The following PRR5L variants were observed in gnomAD, a reference collection of about 807,000 sequenced individuals.
PRR5L encodes proline-rich protein 5-like.
PRR5L carries 21 observed loss-of-function variants against 36.4 expected under a neutral mutation model. The observed-to-expected ratio is 0.58, with a 90% CI of 0.41 to 0.83. PRR5L has a LOEUF of 0.83. Among genes scored for constraint, PRR5L ranks in the 40% least tolerant of loss-of-function variants. PRR5L has a pLI of 0.00. For synonymous variants in PRR5L, 188 were observed against 197.0 expected (o/e 0.95, Z 0.38); for missense variants, 381 against 473.3 (o/e 0.80, Z 1.81).
intron 1 of PRR5L, among the ~76,000 whole-genome samples, chr11:36,358,537 C>T (rs936591303): frequency 6.6e-5 from 10 of 152,156 alleles, no homozygotes; most frequent in African/African-American, 9.7e-5. Context: ...TAATAGACTA[C>T]GGTATAGTAT....
intron 4 of PRR5L, among the ~76,000 whole-genome samples, chr11:36,429,658 G>A (rs1015749517): frequency 1.3e-5 from 2 of 152,218 alleles, no homozygotes; most frequent in Non-Finnish European, 2.9e-5. Context: ...TGGAACATCA[G>A]TGTTGACACT....
chr11:36,364,816 T>G (rs867249433), intron 1 of PRR5L, among the ~76,000 whole-genome samples: 5 of 152,198 alleles, frequency 3.3e-5, no homozygotes, highest in South Asian at 2.1e-4. Flanking sequence ...CTGACTTTCC[T>G]GCTTGTTAAA....
chr11:36,461,814 G>A (rs892111060), intron 8 of PRR5L, among the ~76,000 whole-genome samples: 4 of 152,120 alleles, frequency 2.6e-5, no homozygotes, highest in African/African-American at 7.2e-5. Context: ...ATTGATAGTC[G>A]TGGTTCTGTA....
In PRR5L at chr11:36,350,930, T is replaced by TTA. The variant is rs1164751234; in HGVS notation, c.-125-50061_-125-50060dup. On this transcript the variant is annotated intron_variant, in intron 1 of 8. Coordinates refer to ENST00000530639, the MANE Select transcript of PRR5L (RefSeq NM_001160167.2). ...AATATATATATATATTTATATATAT[T>TTA]TATATATTTATATATATATATTTAT... 1.4e-3 allele frequency among the ~76,000 whole-genome samples: 47 copies of TTA among 34,072 alleles called. 1 individual carries two copies. The highest frequency in any genetic ancestry group is 3.1e-3 in the African/African-American group (22 of 7,072). 22.4% of individuals were successfully genotyped at this position (34,072 alleles called of 152,430 possible). A position where few individuals can be genotyped will look rare whatever the true frequency, so the allele number is the denominator to read the frequency against.
intron 1 of PRR5L, chr11:36,376,432 C>G (rs111430211): frequency 0.032 from 36,102 of 1,134,124 alleles, 648 homozygotes; most frequent in Non-Finnish European, 0.034. Context: ...GTGGGAGCTC[C>G]GCGGCCGAAG....
At chr11:36,436,120 T>C (rs1279919642) in intron 5 of PRR5L, among the ~76,000 whole-genome samples, 1 of 152,254 alleles carries the variant, frequency 6.6e-6, no homozygotes, top group Non-Finnish European at 1.5e-5. Context: ...CTACTAGTCA[T>C]GCCCTTGTTC....
In PRR5L at chr11:36,462,663, AC is replaced by A. The variant is rs759546027; in HGVS notation, c.1037del (p.Pro346LeufsTer17). The A allele has an allele frequency of 1.2e-6, 2 of 1,609,360 alleles. No individual in the cohort carries two copies. The highest frequency in any genetic ancestry group is 8.5e-7 in the Non-Finnish European group (1 of 1,178,590). On this transcript the variant is annotated frameshift_variant, in exon 9 of 9. Coordinates refer to ENST00000530639, the MANE Select transcript of PRR5L (RefSeq NM_001160167.2). LOFTEE classifies it high-confidence loss of function. Reference protein sequence around the residue: ...QCSSEPNITDNPDGLEEGARG... With the variant: ...QCSSEPNITDXPDGLEEGARG... ...TCCAGTGAGCCCAACATCACTGACA[AC>A]CCTGACGGACTGGAGGAGGGGGCCA...
chr11:36,315,912 T>C (rs1249188261), intron 1 of PRR5L, among the ~76,000 whole-genome samples: 2 of 152,188 alleles, frequency 1.3e-5, no homozygotes, highest in Non-Finnish European at 2.9e-5. Flanking sequence ...GGTGGGCCTG[T>C]TAGGAGCAGA....
chr11:36,383,070 C>A (rs1187640787), intron 1 of PRR5L, among the ~76,000 whole-genome samples: 1 of 152,162 alleles, frequency 6.6e-6, no homozygotes, highest in Non-Finnish European at 1.5e-5. Context: ...AGGCAAGTTG[C>A]TTAAATGCTC....
intron 1 of PRR5L, among the ~76,000 whole-genome samples, chr11:36,392,430 A>G (rs1381946324): frequency 1.3e-5 from 2 of 152,078 alleles, no homozygotes; most frequent in African/African-American, 4.8e-5. Context: ...TTACATTCCC[A>G]CCAACAGTAT....
intron 6 of PRR5L, among the ~76,000 whole-genome samples, chr11:36,440,449 TCCCAAAGG>T (rs1858696664): frequency 6.6e-6 from 1 of 152,112 alleles, no homozygotes; most frequent in African/African-American, 2.4e-5. Context: ...GGCTTAGAAG[TCCCAAAGG>T]CAAAATCCAT....
intron 1 of PRR5L, among the ~76,000 whole-genome samples, chr11:36,396,990 A>G (rs7116884): frequency 0.14 from 20,930 of 151,984 alleles, 1,969 homozygotes; most frequent in African/African-American, 0.27. Flanking sequence ...ATGAGGCACC[A>G]GTCAATGATC....
chr11:36,455,787 C>T (rs1052660703), intron 8 of PRR5L, among the ~76,000 whole-genome samples: 1 of 152,182 alleles, frequency 6.6e-6, no homozygotes, highest in Non-Finnish European at 1.5e-5. Flanking sequence ...CCAAGGGGCC[C>T]AGCAGGCCTG....
At position 36,305,869 on chromosome 11, in the gene PRR5L, T is replaced by C. The variant is rs145890353; in HGVS notation, c.-126+9431T>C. Among the ~76,000 whole-genome samples, 1,196 of 152,332 alleles carry C rather than the reference T, an allele frequency of 7.9e-3. 18 individuals carry two copies. Among genetic ancestry groups the C allele is most frequent in the African/African-American group, 0.027 (1,102 of 41,566 alleles). ...AGTTTATGGCGTTTTGTTATAGCAG[T>C]TTAAATGGACTGAGTTAGTATATGA... is the stretch of plus-strand genomic sequence containing the variant. On this transcript the variant is annotated intron_variant, in intron 1 of 8. Coordinates refer to ENST00000530639, the MANE Select transcript of PRR5L (RefSeq NM_001160167.2).
intron 1 of PRR5L, among the ~76,000 whole-genome samples, chr11:36,333,161 T>G (rs900246922): frequency 1.3e-5 from 2 of 152,208 alleles, no homozygotes; most frequent in African/African-American, 4.8e-5. Flanking sequence ...AAATTTTATT[T>G]TTTACTCATA....
intron 3 of PRR5L, among the ~76,000 whole-genome samples, chr11:36,411,878 T>C (rs557008788): frequency 1.8e-4 from 27 of 152,276 alleles, no homozygotes; most frequent in Admixed American, 5.9e-4. Flanking sequence ...TGGCTATACT[T>C]GTAGGAAGAT....
At chr11:36,402,719 C>T (rs1340349885) in intron 2 of PRR5L, among the ~76,000 whole-genome samples, 2 of 152,206 alleles carry the variant, frequency 1.3e-5, no homozygotes, top group Non-Finnish European at 2.9e-5. Context: ...ACTGGGCTGT[C>T]GTCCCAGAGG....
intron 3 of PRR5L, among the ~76,000 whole-genome samples, chr11:36,409,215 A>C (rs1330302666): frequency 6.6e-6 from 1 of 152,042 alleles, no homozygotes; most frequent in East Asian, 1.9e-4. Context: ...TGCCACCACC[A>C]CTCACTCCAT....
intron 4 of PRR5L, among the ~76,000 whole-genome samples, chr11:36,429,118 C>A (rs1472339246): frequency 6.6e-6 from 1 of 152,008 alleles, no homozygotes; most frequent in Non-Finnish European, 1.5e-5. Flanking sequence ...AAAGGAAAAT[C>A]CAGGCCATGA....
Sources: gnomAD v4.1 joint callset for allele counts (sites outside exome capture counted in the v4.1 genomes callset) on GRCh38, gnomAD v4.1.1 for gene constraint, MANE v1.5 for transcripts, NCBI Gene and HGNC (gene_info 2026-07-23, HGNC 2026-07-21) for gene names.